The following SLC6A16 variants were observed in gnomAD, a reference collection of about 807,000 sequenced individuals.
SLC6A16 encodes the protein solute carrier family 6 member 16.
A neutral mutation model predicts 65.4 loss-of-function variants in SLC6A16; 54 were observed. The observed-to-expected ratio is 0.83, with a 90% CI of 0.66 to 1.04. The LOEUF (loss-of-function observed/expected upper bound fraction) is 1.04. Ranked by LOEUF, SLC6A16 falls within the 50% of genes least tolerant of loss-of-function variation. SLC6A16 has a pLI of 0.00. For synonymous variants in SLC6A16, 330 were observed against 346.5 expected (o/e 0.95, Z 0.53); for missense variants, 816 against 914.0 (o/e 0.89, Z 1.38).
chr19:49,323,904 C>A (rs1473462842), intron 1 of SLC6A16, among the ~76,000 whole-genome samples: 1 of 152,186 alleles, frequency 6.6e-6, no homozygotes, highest in African/African-American at 2.4e-5. Flanking sequence ...AGTGGCTCAG[C>A]CTGTAATCCC....
chr19:49,326,586 G>C (rs1274439534), upstream of SLC6A16, among the ~76,000 whole-genome samples: 2 of 152,134 alleles, frequency 1.3e-5, no homozygotes, highest in East Asian at 1.9e-4. Flanking sequence ...CGTATTTATC[G>C]AGAGTCTACT....
chr19:49,336,951 CCATCT>C, the SLC6A16 span: 1 of 1,614,170 alleles, frequency 6.2e-7, no homozygotes, highest in South Asian at 1.1e-5. Context: ...AAAGTCCTGG[CCATCT>C]CAGGAATCTT....
intron 7 of SLC6A16, among the ~76,000 whole-genome samples, chr19:49,302,812 A>G (rs1356223483): frequency 6.6e-6 from 1 of 152,130 alleles, no homozygotes; most frequent in Non-Finnish European, 1.5e-5. Context: ...AACCAAACAA[A>G]CATTTTTGAG....
intron 1 of SLC6A16, among the ~76,000 whole-genome samples, chr19:49,313,071 T>TAAAAAAAA (rs1970552184): frequency 2.2e-5 from 1 of 45,290 alleles, no homozygotes; most frequent in African/African-American, 1.9e-4. Flanking sequence ...CAACCCTGTC[T>TAAAAAAAA]CAAAAAAAAA....
At chr19:49,319,510 TG>T (rs986631803) in intron 1 of SLC6A16, among the ~76,000 whole-genome samples, 4 of 150,848 alleles carry the variant, frequency 2.7e-5, no homozygotes, top group Admixed American at 2.0e-4. Flanking sequence ...TATGTGTATA[TG>T]TGTATATGTA....
Position 49,308,916 on chromosome 19 carries a change from C to T in SLC6A16, c.1189G>A (p.Gly397Ser), listed in dbSNP as rs765379330. 6.8e-6 allele frequency: 11 copies of T among 1,613,968 alleles called. No individual in the cohort carries two copies. The Middle Eastern group carries it at 8.2e-4, about 121-fold the overall frequency. The change falls in exon 7 of 12, where the codon GGC (glycine) becomes AGC (serine). Residue 397 changes from glycine to serine, a missense_variant. Gly to Ser is a moderately conservative substitution (Grantham distance 56, BLOSUM62 0). Coordinates refer to ENST00000335875, the MANE Select transcript of SLC6A16 (RefSeq NM_014037.3). ...VFTSFNFCVL[G>S]FWATVITHRC... ...TGTGTGATGACTGTCGCCCAGAAGCCCAGGACACAGAAGTTGAAAGATGTG... is the reference window on the plus strand; with the variant it reads ...TGTGTGATGACTGTCGCCCAGAAGCTCAGGACACAGAAGTTGAAAGATGTG...
At chr19:49,304,527 A>AG (rs1433424925) in intron 7 of SLC6A16, among the ~76,000 whole-genome samples, 2 of 152,074 alleles carry the variant, frequency 1.3e-5, no homozygotes, top group Non-Finnish European at 2.9e-5. Context: ...GCACTTCGGG[A>AG]GGCTGAGGTG....
At chr19:49,320,726 T>A (rs1332292183) in intron 1 of SLC6A16, among the ~76,000 whole-genome samples, 3 of 152,166 alleles carry the variant, frequency 2.0e-5, no homozygotes, top group Non-Finnish European at 1.5e-5. Context: ...GAGAGTACTA[T>A]GAACTTATGA....
At chr19:49,307,686 A>G (rs1970419345) in intron 7 of SLC6A16, among the ~76,000 whole-genome samples, 1 of 126,654 alleles carries the variant, frequency 7.9e-6, no homozygotes. Flanking sequence ...ATTAAAAAAA[A>G]AAAATCTGCT....
At chr19:49,309,983 CCTTCTA>C in intron 4 of SLC6A16, 51 bp downstream of exon 4, 2 of 1,580,520 alleles carry the variant, frequency 1.3e-6, no homozygotes, top group South Asian at 1.1e-5. Context: ...TTCCAAATTC[CCTTCTA>C]CTTCTACTTC....
chr19:49,311,273 ACT>A lies in SLC6A16; in HGVS notation c.73_74del (p.Ser25CysfsTer62), dbSNP rs762838304. 2.6e-5 allele frequency: 42 copies of A among 1,613,380 alleles called. No individual in the cohort carries two copies. The East Asian group carries it at 9.4e-4, about 36-fold the overall frequency. Reference protein sequence around the residue: ...TSWTGTVISDSVPGSQTWEDK... With the variant: ...TSWTGTVISDXVPGSQTWEDK... ...CTTCCCACGTTTGACTTCCTGGGACACTGTCAGAAATCACTGTGCCAGTCCAT... is the reference window on the plus strand; with the variant it reads ...CTTCCCACGTTTGACTTCCTGGGACAGTCAGAAATCACTGTGCCAGTCCAT... On this transcript the variant is annotated frameshift_variant, in exon 2 of 12. Coordinates refer to ENST00000335875, the MANE Select transcript of SLC6A16 (RefSeq NM_014037.3). LOFTEE classifies it high-confidence loss of function.
chr19:49,320,758 G>A (rs1165834048), intron 1 of SLC6A16, among the ~76,000 whole-genome samples: 1 of 152,082 alleles, frequency 6.6e-6, no homozygotes, highest in East Asian at 1.9e-4. Flanking sequence ...CCAATAAACT[G>A]GATAACCTAG....
At chr19:49,339,456 T>C in the SLC6A16 span, 1 of 1,580,898 alleles carries the variant, frequency 6.3e-7, no homozygotes, top group Non-Finnish European at 8.7e-7. The surrounding 1 kb of genome is among the most constrained non-coding windows in gnomAD (Gnocchi z 4.5). Flanking sequence ...CCTAAATCCC[T>C]AGATGGCCCT....
the SLC6A16 span, chr19:49,337,077 C>A: frequency 2.5e-6 from 4 of 1,613,996 alleles, no homozygotes; most frequent in Admixed American, 6.7e-5. Flanking sequence ...ACTCCTATCC[C>A]CACCCTCAAA....
chr19:49,331,880 C>G, the SLC6A16 span: 7 of 455,534 alleles, frequency 1.5e-5, no homozygotes, highest in South Asian at 1.1e-4. Context: ...TGCAGTGAGC[C>G]GTGATTGCAC....
chr19:49,336,785 G>C, the SLC6A16 span: 3 of 988,934 alleles, frequency 3.0e-6, no homozygotes, highest in Non-Finnish European at 4.5e-6. Flanking sequence ...GTGGGGCAGG[G>C]ACAGAGTCCC....
At chr19:49,338,792 C>G in the SLC6A16 span, 1 of 1,614,040 alleles carries the variant, frequency 6.2e-7, no homozygotes. The surrounding 1 kb of genome is among the most constrained non-coding windows in gnomAD (Gnocchi z 5.0). Flanking sequence ...TGCCCTGCTC[C>G]TGCTACAACT....
At chr19:49,310,546 T>A (rs1159187126) in intron 2 of SLC6A16, 36 bp from the exon 3 acceptor site, 1 of 1,613,074 alleles carries the variant, frequency 6.2e-7, no homozygotes, top group Non-Finnish European at 8.5e-7. Context: ...CTGAGAACCA[T>A]GTGGCCTTTC....
At chr19:49,293,163 A>T in intron 10 of SLC6A16, 60 bp downstream of exon 10, 1 of 1,559,294 alleles carries the variant, frequency 6.4e-7, no homozygotes, top group Non-Finnish European at 8.8e-7. Flanking sequence ...AGGCAACAAA[A>T]AAGGGGTCAC....
Sources: gnomAD v4.1 joint callset for allele counts (sites outside exome capture counted in the v4.1 genomes callset) on GRCh38, gnomAD v4.1.1 for gene constraint, Gnocchi (gnomAD v3.1) non-coding constraint, MANE v1.5 for transcripts, NCBI Gene and HGNC (gene_info 2026-07-23, HGNC 2026-07-21) for gene names.